UMAD1: variants seen among roughly 807,000 people sequenced by gnomAD.
The protein encoded by UMAD1 is UBAP1-MVB12-associated (UMA) domain containing 1, also known as UBAP1-MVB12-associated (UMA)-domain containing protein 1.
A neutral mutation model predicts 6.1 loss-of-function variants in UMAD1; 8 were observed. The ratio of observed to expected loss-of-function variants is 1.30; its 90% CI spans 0.76 to 2.35. UMAD1 has a LOEUF of 2.35. Ranked by LOEUF, UMAD1 falls within the 30% of genes most tolerant of loss-of-function variation. UMAD1 has a pLI of 0.00. For synonymous variants in UMAD1, 56 were observed against 31.4 expected, an observed-to-expected ratio of 1.78 and a Z score of -2.61; for missense variants, 130 against 78.4, an observed-to-expected ratio of 1.66 and a Z score of -2.49.
At chr7:7,672,991 G>A (rs1279887833) in intron 1 of UMAD1, among the ~76,000 whole-genome samples, 1 of 152,146 alleles carries the variant, frequency 6.6e-6, no homozygotes, top group Non-Finnish European at 1.5e-5. Context: ...TCTGTTTTAT[G>A]GTTAGCAAGA....
rs546668993 is a variant in UMAD1 at position 7,698,974 on chromosome 7, C to T, written c.82+25521C>T. 2.5e-4 allele frequency among the ~76,000 whole-genome samples: 38 copies of T among 151,380 alleles called. No homozygotes were observed. In the East Asian group the frequency reaches 4.5e-3, roughly 18 times the overall value. ...GGGCTCAGTGATTCTCCCACTTCAG[C>T]CCCCCAAGTATCTGGGACTACAGGA... On this transcript the variant is annotated intron_variant, in intron 2 of 3. Coordinates refer to ENST00000682710, the MANE Select transcript of UMAD1 (RefSeq NM_001302348.2).
At chr7:7,672,553 G>A (rs1437697479) in intron 1 of UMAD1, among the ~76,000 whole-genome samples, 1 of 152,166 alleles carries the variant, frequency 6.6e-6, no homozygotes, top group South Asian at 2.1e-4. Context: ...GGCAGGACCA[G>A]GTGTAGATAA....
chr7:7,856,180 G>A (rs576161632), intron 3 of UMAD1, among the ~76,000 whole-genome samples: 12 of 152,236 alleles, frequency 7.9e-5, no homozygotes, highest in African/African-American at 2.6e-4. Flanking sequence ...CACATTATCA[G>A]GTATCTTAAG....
At chr7:7,755,748 T>C (rs1187002248) in intron 2 of UMAD1, among the ~76,000 whole-genome samples, 1 of 152,168 alleles carries the variant, frequency 6.6e-6, no homozygotes, top group Non-Finnish European at 1.5e-5. Context: ...AATTAAGCAA[T>C]GACTACCAAA....
intron 3 of UMAD1, among the ~76,000 whole-genome samples, chr7:7,814,200 G>A (rs1005105226): frequency 1.3e-5 from 2 of 152,084 alleles, no homozygotes; most frequent in Non-Finnish European, 2.9e-5. Context: ...TGGCCAGGAT[G>A]GTCTTGATCT....
intron 2 of UMAD1, among the ~76,000 whole-genome samples, chr7:7,678,761 T>C (rs111219894): frequency 9.6e-5 from 3 of 31,218 alleles, no homozygotes; most frequent in East Asian, 1.0e-3. Context: ...TATATATTTA[T>C]ATATTTAGTT....
chr7:7,690,565 A>G (rs1038726400), intron 2 of UMAD1, among the ~76,000 whole-genome samples: 1 of 152,138 alleles, frequency 6.6e-6, no homozygotes, highest in Non-Finnish European at 1.5e-5. Context: ...GGTGGGGGTG[A>G]TGCCGCACCT....
chr7:7,649,805 G>T (rs1253278140), intron 1 of UMAD1, among the ~76,000 whole-genome samples: 1 of 152,098 alleles, frequency 6.6e-6, no homozygotes, highest in African/African-American at 2.4e-5. Context: ...TATAGTATTA[G>T]GAGGTAAGGC....
intron 2 of UMAD1, among the ~76,000 whole-genome samples, chr7:7,773,468 C>A (rs976644191): frequency 2.0e-5 from 3 of 152,136 alleles, no homozygotes; most frequent in Non-Finnish European, 2.9e-5. Flanking sequence ...CTTTATGCAG[C>A]AGACTTTGAA....
intron 3 of UMAD1, among the ~76,000 whole-genome samples, chr7:7,849,571 G>A (rs1217211369): frequency 6.6e-6 from 1 of 152,068 alleles, no homozygotes; most frequent in African/African-American, 2.4e-5. Context: ...ACCCTGCGAT[G>A]GTCATTCAAC....
intron 3 of UMAD1, among the ~76,000 whole-genome samples, chr7:7,842,515 A>G (rs1276914832): frequency 1.3e-5 from 2 of 152,126 alleles, no homozygotes; most frequent in Non-Finnish European, 2.9e-5. Context: ...ATGACTTATT[A>G]AGGTCTAAAA....
intron 2 of UMAD1, among the ~76,000 whole-genome samples, chr7:7,794,574 A>T (rs569407875): frequency 2.6e-5 from 4 of 152,316 alleles, no homozygotes; most frequent in African/African-American, 9.6e-5. Flanking sequence ...GGAGCAACTG[A>T]CTAGCATTAA....
In UMAD1 at chr7:7,825,215, A is replaced by G. The variant is rs572845555; in HGVS notation, c.156+23472A>G. On this transcript the variant is annotated intron_variant, in intron 3 of 3. Transcript: ENST00000682710. Reference sequence around the variant, plus strand: ...TTAATATCTTGTGTTCCATCCCCTCAGGGCCTACCCATCACTGAAGTTAAT... The same window carrying G: ...TTAATATCTTGTGTTCCATCCCCTCGGGGCCTACCCATCACTGAAGTTAAT... Among the ~76,000 whole-genome samples, 78 of 152,290 alleles carry G rather than the reference A, an allele frequency of 5.1e-4. No homozygotes were observed. The South Asian group carries it at 0.01, about 20-fold the overall frequency.
chr7:7,726,461 A>G (rs895452319), intron 2 of UMAD1, among the ~76,000 whole-genome samples: 5 of 152,214 alleles, frequency 3.3e-5, no homozygotes, highest in Admixed American at 1.3e-4. Context: ...TACAACGCCA[A>G]TTAGGTGACA....
intron 3 of UMAD1, among the ~76,000 whole-genome samples, chr7:7,856,470 A>G (rs547163107): frequency 6.6e-6 from 1 of 152,250 alleles, no homozygotes; most frequent in African/African-American, 2.4e-5. Context: ...CAGCATGGGG[A>G]AAACCACCCC....
intron 2 of UMAD1, among the ~76,000 whole-genome samples, chr7:7,695,652 G>A (rs1167738953): frequency 1.3e-5 from 2 of 152,040 alleles, no homozygotes; most frequent in Non-Finnish European, 2.9e-5. Context: ...TCACACCATG[G>A]CCCTGAATTA....
chr7:7,858,875 C>A (rs987096558), intron 3 of UMAD1, among the ~76,000 whole-genome samples: 6 of 152,186 alleles, frequency 3.9e-5, no homozygotes, highest in Non-Finnish European at 8.8e-5. Flanking sequence ...TAATGCCCTT[C>A]TCTTTCCAGA....
intron 2 of UMAD1, among the ~76,000 whole-genome samples, chr7:7,755,505 A>G (rs528428908): frequency 1.5e-4 from 23 of 152,302 alleles, no homozygotes; most frequent in African/African-American, 5.5e-4. Context: ...TCTCTTTCAC[A>G]TCTGGTGGCA....
chr7:7,742,925 T>C (rs1291332741), intron 2 of UMAD1, among the ~76,000 whole-genome samples: 1 of 152,218 alleles, frequency 6.6e-6, no homozygotes, highest in Non-Finnish European at 1.5e-5. Context: ...GGTAATAATT[T>C]TCAGTGTATT....
Sources: gnomAD v4.1 joint callset for allele counts (sites outside exome capture counted in the v4.1 genomes callset) on GRCh38, gnomAD v4.1.1 for gene constraint, MANE v1.5 for transcripts, NCBI Gene and HGNC (gene_info 2026-07-23, HGNC 2026-07-21) for gene names.